The following MTPN variants were observed in gnomAD, a reference collection of about 807,000 sequenced individuals.
The protein encoded by MTPN is granule cell differentiation protein.
Under a neutral mutation model 13.5 loss-of-function variants are expected in MTPN, and 2 were observed. The observed-to-expected ratio is 0.15, with a 90% CI of 0.06 to 0.47. The LOEUF (loss-of-function observed/expected upper bound fraction) is 0.47, where lower values mean the gene tolerates loss of function less well. MTPN is among the 20% of genes least tolerant of loss of function. MTPN has a pLI of 0.97. For missense variants in MTPN, 79 were observed against 137.9 expected, an observed-to-expected ratio of 0.57 and a Z score of 2.14; for synonymous variants, 46 against 51.7, an observed-to-expected ratio of 0.89 and a Z score of 0.48.
chr7:135,957,528 A>G (rs1196216759), intron 1 of MTPN, among the ~76,000 whole-genome samples: 2 of 152,166 alleles, frequency 1.3e-5, no homozygotes, highest in African/African-American at 2.4e-5. Flanking sequence ...GTGACAGTGC[A>G]TGACCAGTTT....
At chr7:135,935,139 G>GTCTTCAGAC (rs1554391968) in intron 3 of MTPN, among the ~76,000 whole-genome samples, 1 of 152,044 alleles carries the variant, frequency 6.6e-6, no homozygotes, top group Non-Finnish European at 1.5e-5. Context: ...GTTTACTTAA[G>GTCTTCAGAC]TCTTCAGACC....
intron 1 of MTPN, among the ~76,000 whole-genome samples, chr7:135,969,794 G>A (rs1416173220): frequency 2.6e-5 from 4 of 152,092 alleles, no homozygotes; most frequent in Non-Finnish European, 5.9e-5. Context: ...TGCAAAACAT[G>A]ATAAAAAACT....
At chr7:135,961,238 A>T (rs558087760) in intron 1 of MTPN, among the ~76,000 whole-genome samples, 2 of 152,228 alleles carry the variant, frequency 1.3e-5, no homozygotes, top group East Asian at 1.9e-4. Flanking sequence ...ACAGGAACAG[A>T]AAGTTTTCTG....
intron 1 of MTPN, among the ~76,000 whole-genome samples, chr7:135,964,704 C>G (rs962041942): frequency 6.6e-6 from 1 of 152,080 alleles, no homozygotes; most frequent in African/African-American, 2.4e-5. Context: ...CCTCTCTCTT[C>G]TCTCTATCCA....
chr7:135,955,977 A>C (rs1394225366), intron 1 of MTPN, among the ~76,000 whole-genome samples: 1 of 152,216 alleles, frequency 6.6e-6, no homozygotes, highest in Non-Finnish European at 1.5e-5. Flanking sequence ...TTTCCTCCTA[A>C]GATCAGGAAT....
intron 3 of MTPN, among the ~76,000 whole-genome samples, chr7:135,945,440 CT>C (rs1799275384): frequency 6.6e-6 from 1 of 152,064 alleles, no homozygotes; most frequent in African/African-American, 2.4e-5. Context: ...AAAATATTTT[CT>C]TTTATATTCT....
intron 3 of MTPN, among the ~76,000 whole-genome samples, chr7:135,933,667 C>G (rs1260565726): frequency 6.6e-6 from 1 of 152,078 alleles, no homozygotes; most frequent in Non-Finnish European, 1.5e-5. Flanking sequence ...TATTGCAACC[C>G]TATGCAATCC....
intron 1 of MTPN, among the ~76,000 whole-genome samples, chr7:135,958,262 TCTTA>T (rs987674395): frequency 1.9e-4 from 29 of 152,248 alleles, no homozygotes; most frequent in African/African-American, 3.4e-4. Flanking sequence ...AAGAACAATG[TCTTA>T]CTTGTTTATA....
rs1412664895 is a variant in MTPN at position 135,928,031 on chromosome 7, G to T, written c.*1895C>A. 6 of 256,484 alleles carry T rather than the reference G, an allele frequency of 2.3e-5. No homozygotes were observed. Among genetic ancestry groups the T allele is most frequent in the Non-Finnish European group, 4.9e-5 (6 of 122,314 alleles). The allele number at this position is 256,484 out of a possible 1,614,324, so 15.9% of individuals were successfully genotyped here. On this transcript the variant is annotated 3_prime_UTR_variant, in exon 4 of 4. Coordinates refer to ENST00000393085, the MANE Select transcript of MTPN (RefSeq NM_145808.4). ...TCAAAACACCCTGTTGCACTACGTT[G>T]ATAGTTATAGACTGATAGAGTGCCC...
intron 3 of MTPN, among the ~76,000 whole-genome samples, chr7:135,944,870 T>C (rs1037034468): frequency 8.5e-5 from 13 of 152,170 alleles, no homozygotes; most frequent in African/African-American, 2.9e-4. Flanking sequence ...TAATGAACCC[T>C]AATATATACA....
chr7:135,975,397 T>C (rs939948789), intron 1 of MTPN, among the ~76,000 whole-genome samples: 1 of 152,214 alleles, frequency 6.6e-6, no homozygotes, highest in Non-Finnish European at 1.5e-5. Flanking sequence ...AGCAATTTAG[T>C]TCTTGCTTCA....
intron 1 of MTPN, 29 bp from the exon 2 acceptor site, chr7:135,951,659 T>C: frequency 6.8e-7 from 1 of 1,475,832 alleles, no homozygotes; most frequent in Non-Finnish European, 9.4e-7. Flanking sequence ...GAAAACAATA[T>C]TTATATGAAT....
At chr7:135,934,712 G>GTA (rs1357271560) in intron 3 of MTPN, among the ~76,000 whole-genome samples, 3 of 152,212 alleles carry the variant, frequency 2.0e-5, no homozygotes, top group Middle Eastern at 6.8e-3. Context: ...AACATATATA[G>GTA]TATCTGAACA....
chr7:135,941,595 CAT>C (rs546686906), intron 3 of MTPN, among the ~76,000 whole-genome samples: 12 of 152,312 alleles, frequency 7.9e-5, no homozygotes, highest in Non-Finnish European at 1.3e-4. Flanking sequence ...GACTCACACA[CAT>C]GTGAGCAATG....
At chr7:135,944,927 T>C (rs1034643635) in intron 3 of MTPN, among the ~76,000 whole-genome samples, 4 of 151,226 alleles carry the variant, frequency 2.6e-5, no homozygotes, top group African/African-American at 4.8e-5. Flanking sequence ...GTGAACATCA[T>C]AGAGTGTCCT....
intron 3 of MTPN, among the ~76,000 whole-genome samples, chr7:135,940,529 CAT>C (rs1799192939): frequency 6.6e-6 from 1 of 152,158 alleles, no homozygotes; most frequent in South Asian, 2.1e-4. Flanking sequence ...TATGTAACCA[CAT>C]GTTTCTCACA....
chr7:135,950,550 GC>G, intron 3 of MTPN, 48 bp downstream of exon 3: 1 of 1,370,120 alleles, frequency 7.3e-7, no homozygotes, highest in African/African-American at 1.4e-5. Context: ...CAAATACTTG[GC>G]TTAAACACAG....
At chr7:135,940,829 G>C (rs1799197338) in intron 3 of MTPN, among the ~76,000 whole-genome samples, 2 of 152,180 alleles carry the variant, frequency 1.3e-5, no homozygotes, top group African/African-American at 4.8e-5. Context: ...CTTGTCATCT[G>C]TTGCACACTC....
rs1173637581 is a variant in MTPN at position 135,928,047 on chromosome 7, T to TA, written c.*1878dup. 1 of 189,460 alleles carries TA rather than the reference T, an allele frequency of 5.3e-6. No individual in the cohort carries two copies. Among genetic ancestry groups the TA allele is most frequent in the East Asian group, 1.7e-4 (1 of 5,790 alleles). The allele number at this position is 189,460 out of a possible 1,614,324, so 11.7% of individuals were successfully genotyped here. On this transcript the variant is annotated 3_prime_UTR_variant, in exon 4 of 4. Coordinates refer to ENST00000393085, the MANE Select transcript of MTPN (RefSeq NM_145808.4). ...CACTACGTTGATAGTTATAGACTGA[T>TA]AGAGTGCCCTCCATTTTCAATGAGG...
Sources: allele counts gnomAD v4.1 joint callset (sites outside exome capture counted in the v4.1 genomes callset), GRCh38; gene constraint gnomAD v4.1.1; transcripts MANE v1.5; gene names NCBI Gene and HGNC (gene_info 2026-07-23, HGNC 2026-07-21).